The following COL20A1 variants were observed in gnomAD, a reference collection of about 807,000 sequenced individuals.
COL20A1 encodes the protein collagen type XX alpha 1 chain.
COL20A1 carries 164 observed loss-of-function variants against 152.9 expected under a neutral mutation model. The observed-to-expected ratio is 1.07, with a 90% CI of 0.94 to 1.22. The LOEUF (loss-of-function observed/expected upper bound fraction) is 1.22. COL20A1 is among the 50% of genes most tolerant of loss of function. The pLI is 0.00. For synonymous variants in COL20A1, 864 were observed against 756.0 expected (o/e 1.14, Z -2.34); for missense variants, 1,873 against 1,744.8 (o/e 1.07, Z -1.31).
chr20:63,319,422 C>A lies in COL20A1; in HGVS notation c.2807-65C>A. On this transcript the variant is annotated intron_variant, in intron 22 of 35. Transcript: ENST00000358894. The surrounding 1 kb of genome is among the most constrained non-coding windows in gnomAD (Gnocchi z 4.4). ...CTCCTGTCCTGTCGTGGGGGCCGCC[C>A]TGCTCAAGGTATAGGCCCGGCTGGT... The A allele has an allele frequency of 1.5e-6, 2 of 1,315,882 alleles. No individual in the cohort carries two copies. The highest frequency in any genetic ancestry group is 1.3e-5 in the South Asian group (1 of 76,340). The allele number at this position is 1,315,882 out of a possible 1,614,324, so 81.5% of individuals were successfully genotyped here. A position where few individuals can be genotyped will look rare whatever the true frequency, so the allele number is the denominator to read the frequency against.
chr20:63,299,842 TAC>T (rs983536979), intron 3 of COL20A1, among the ~76,000 whole-genome samples: 2 of 151,184 alleles, frequency 1.3e-5, no homozygotes, highest in African/African-American at 4.8e-5. Context: ...TATGTATATA[TAC>T]GTGTGTGTGT....
chr20:63,311,907 G>A lies in COL20A1; in HGVS notation c.1664-9G>A. 1 of 1,538,524 alleles carries A rather than the reference G, an allele frequency of 6.5e-7. No homozygotes were observed. Among genetic ancestry groups the A allele is most frequent in the Non-Finnish European group, 8.7e-7 (1 of 1,145,518 alleles). ...CGTGCTGGCCTTGAGGCTCTGCTGTGCTTTGCAGCCACCCTGGCCCCCCCG... is the reference window on the plus strand; with the variant it reads ...CGTGCTGGCCTTGAGGCTCTGCTGTACTTTGCAGCCACCCTGGCCCCCCCG... On this transcript the variant is annotated splice_polypyrimidine_tract_variant and intron_variant, in intron 13 of 35. Transcript: ENST00000358894. This position sits in a 1 kb window ranked among gnomAD's most constrained non-coding sequence, Gnocchi z 4.4.
intron 19 of COL20A1, among the ~76,000 whole-genome samples, chr20:63,314,923 G>A (rs985253223): frequency 1.3e-4 from 20 of 148,696 alleles, no homozygotes; most frequent in African/African-American, 4.0e-4. Context: ...CAGGACATGC[G>A]TGTCCCCAGC....
intron 3 of COL20A1, among the ~76,000 whole-genome samples, chr20:63,304,561 C>T (rs1279867184): frequency 1.4e-5 from 2 of 141,728 alleles, no homozygotes; most frequent in African/African-American, 5.2e-5. Flanking sequence ...GTGCTGGCTC[C>T]TCCCTCCCTT....
In COL20A1 at chr20:63,319,038, C is replaced by A; in HGVS notation, c.2664-20C>A. 1.9e-6 allele frequency: 3 copies of A among 1,588,908 alleles called. No individual in the cohort carries two copies. The highest frequency in any genetic ancestry group is 1.7e-6 in the Non-Finnish European group (2 of 1,158,582). On this transcript the variant is annotated intron_variant, in intron 21 of 35. Transcript: ENST00000358894. The surrounding 1 kb of genome is among the most constrained non-coding windows in gnomAD (Gnocchi z 4.4). ...CCCTTGGGTCTGCTCATGTGCCTCT[C>A]CCTCCCCCAACCCCCACAGTGACGT...
At chr20:63,314,588 C>A (rs2068059822) in intron 19 of COL20A1, among the ~76,000 whole-genome samples, 1 of 152,194 alleles carries the variant, frequency 6.6e-6, no homozygotes, top group Admixed American at 6.5e-5. Context: ...TCTTGGCTTG[C>A]ACGCCCTTGG....
chr20:63,294,783 A>G (rs1601396871), intron 1 of COL20A1, among the ~76,000 whole-genome samples: 1 of 152,112 alleles, frequency 6.6e-6, no homozygotes, highest in Non-Finnish European at 1.5e-5. Flanking sequence ...CCACCCCTGC[A>G]CTGGGCGTGG....
intron 1 of COL20A1, among the ~76,000 whole-genome samples, chr20:63,293,753 T>C (rs1186947919): frequency 6.6e-6 from 1 of 151,998 alleles, no homozygotes; most frequent in Non-Finnish European, 1.5e-5. Context: ...CTGACTGCCC[T>C]TGGCCGGCCG....
Position 63,319,303 on chromosome 20 carries a change from G to GCC in COL20A1, c.2806+105_2806+106dup. ...AGAGGAAGTCCAGCCTCCAGGCCAG[G>GCC]CCCTCAGCACCCTCTGGGTGGGAGG... On this transcript the variant is annotated intron_variant, in intron 22 of 35. Transcript: ENST00000358894. This position sits in a 1 kb window ranked among gnomAD's most constrained non-coding sequence, Gnocchi z 4.4. 7.7e-7 allele frequency: 1 copy of GCC among 1,304,652 alleles called. No individual in the cohort carries two copies. The highest frequency in any genetic ancestry group is 1.1e-6 in the Non-Finnish European group (1 of 950,662). 80.8% of individuals were successfully genotyped at this position (1,304,652 alleles called of 1,614,324 possible).
chr20:63,322,035 T>A, intron 26 of COL20A1, 23 bp from the exon 27 acceptor site: 1 of 1,510,690 alleles, frequency 6.6e-7, no homozygotes, highest in Non-Finnish European at 8.8e-7. Flanking sequence ...TCTGGGGGCT[T>A]AGCCCTGTTT....
Position 63,305,760 on chromosome 20 carries a change from C to A in COL20A1, c.338-121C>A. On this transcript the variant is annotated intron_variant, in intron 4 of 35. Transcript: ENST00000358894. The surrounding 1 kb of genome is among the most constrained non-coding windows in gnomAD (Gnocchi z 4.9). ...GCCTTGCCCCTGACATCTTTGCATG[C>A]CTCCCAGGCTCCTGGGCCCTCAGCA... 2 of 1,157,946 alleles carry A rather than the reference C, an allele frequency of 1.7e-6. No individual in the cohort carries two copies. The highest frequency in any genetic ancestry group is 2.5e-6 in the Non-Finnish European group (2 of 814,042). 71.7% of individuals were successfully genotyped at this position (1,157,946 alleles called of 1,614,324 possible).
chr20:63,325,229 C>T (rs1285990122), intron 27 of COL20A1: 4 of 692,862 alleles, frequency 5.8e-6, no homozygotes, highest in African/African-American at 1.8e-5. Context: ...GGGTGGCAAG[C>T]GTGACCTTGT....
intron 14 of COL20A1, 29 bp from the exon 15 acceptor site, chr20:63,312,391 C>A: frequency 6.5e-7 from 1 of 1,531,206 alleles, no homozygotes; most frequent in Non-Finnish European, 8.7e-7. Context: ...CCAGCTGGGC[C>A]TGCCATGTCG....
rs367649736 is a variant in COL20A1 at position 63,315,386 on chromosome 20, C to T, written c.2489-18C>T. 462 of 1,570,040 alleles carry T rather than the reference C, an allele frequency of 2.9e-4. 1 individual carries two copies. In the Middle Eastern group the frequency reaches 4.1e-3, roughly 14 times the overall value. ...CTGGGCCGCTCCCACTCACACTGAC[C>T]CTGTCTCCTCTCAGCAGCCTGCCCA... is the stretch of plus-strand genomic sequence containing the variant. On this transcript the variant is annotated intron_variant, in intron 19 of 35. Coordinates refer to ENST00000358894, the MANE Select transcript of COL20A1 (RefSeq NM_020882.4).
intron 19 of COL20A1, 52 bp from the exon 20 acceptor site, chr20:63,315,352 C>T (rs2068070382): frequency 3.3e-6 from 5 of 1,531,486 alleles, no homozygotes; most frequent in Middle Eastern, 3.4e-4. Flanking sequence ...GTCTGTCAGG[C>T]GTTGGAGGCT....
At position 63,332,799 on chromosome 20, in the gene COL20A1, C is replaced by G. The variant is rs1392387762; in HGVS notation, c.*2083C>G. On this transcript the variant is annotated 3_prime_UTR_variant, in exon 36 of 36. Coordinates refer to ENST00000358894, the MANE Select transcript of COL20A1 (RefSeq NM_020882.4). ...ATGGCACAGCAAAGGCAGCGGCCAG[C>G]TGGTGCCCAGGCAGCTTAGGGACTG... is the stretch of plus-strand genomic sequence containing the variant. 1 of 152,282 alleles carries G rather than the reference C, an allele frequency of 6.6e-6. No individual in the cohort carries two copies. Among genetic ancestry groups the G allele is most frequent in the Non-Finnish European group, 1.5e-5 (1 of 68,092 alleles). 9.4% of individuals were successfully genotyped at this position (152,282 alleles called of 1,614,324 possible).
rs6090365 is a variant in COL20A1 at position 63,331,506 on chromosome 20, C to T, written c.*790C>T. On this transcript the variant is annotated 3_prime_UTR_variant, in exon 36 of 36. Transcript: ENST00000358894. Reference sequence around the variant, plus strand: ...TCCCTCAGCAGGCTTCTGGCCTGTGCGCTCCTCAGCACCTCTGCCCAGGTC... The same window carrying T: ...TCCCTCAGCAGGCTTCTGGCCTGTGTGCTCCTCAGCACCTCTGCCCAGGTC... 0.1 allele frequency: 15,505 copies of T among 152,338 alleles called. 936 individuals are homozygous for T. The highest frequency in any genetic ancestry group is 0.16 in the African/African-American group (6,641 of 41,514). 9.4% of individuals were successfully genotyped at this position (152,338 alleles called of 1,614,324 possible).
At chr20:63,299,878 A>G (rs755530599) in intron 3 of COL20A1, among the ~76,000 whole-genome samples, 4 of 151,626 alleles carry the variant, frequency 2.6e-5, no homozygotes, top group African/African-American at 4.9e-5. Flanking sequence ...TTGTGTGTAT[A>G]TATATATGTA....
chr20:63,316,538 C>A lies in COL20A1; in HGVS notation c.2525-15C>A. 6.3e-7 allele frequency: 1 copy of A among 1,584,142 alleles called. No individual in the cohort carries two copies. The highest frequency in any genetic ancestry group is 1.3e-5 in the African/African-American group (1 of 74,174). ...GAGGGTCCCTCGGTGCCCCTTCCCC[C>A]ACCATCTTCCCCAGGGTTTGACCTG... is the stretch of plus-strand genomic sequence containing the variant. On this transcript the variant is annotated splice_polypyrimidine_tract_variant and intron_variant, in intron 20 of 35. Transcript: ENST00000358894.
Sources: gnomAD v4.1 joint callset for allele counts (sites outside exome capture counted in the v4.1 genomes callset) on GRCh38, gnomAD v4.1.1 for gene constraint, Gnocchi (gnomAD v3.1) non-coding constraint, MANE v1.5 for transcripts, NCBI Gene and HGNC (gene_info 2026-07-23, HGNC 2026-07-21) for gene names.